The following AFG2A variants were observed in gnomAD, a reference collection of about 807,000 sequenced individuals.
AFG2A encodes ATPase family gene 2 protein homolog A.
At chr4:123,002,003 A>T in the AFG2A span, among the ~76,000 whole-genome samples, 1 of 152,156 alleles carries the variant, frequency 6.6e-6, no homozygotes, top group Non-Finnish European at 1.5e-5. Flanking sequence ...ATGGGTTCAT[A>T]TATATTTAGG....
the AFG2A span, among the ~76,000 whole-genome samples, chr4:123,296,013 C>A: frequency 6.6e-6 from 1 of 152,112 alleles, no homozygotes; most frequent in South Asian, 2.1e-4. Context: ...ATCAATATAT[C>A]CCAGCTAATG....
the AFG2A span, among the ~76,000 whole-genome samples, chr4:123,161,614 C>T: frequency 1.1e-4 from 17 of 151,954 alleles, no homozygotes; most frequent in Admixed American, 8.5e-4. Flanking sequence ...TAGAGCTAGG[C>T]AAGGAAGTTG....
chr4:122,992,562 G>A, the AFG2A span, among the ~76,000 whole-genome samples: 2 of 152,124 alleles, frequency 1.3e-5, no homozygotes, highest in Non-Finnish European at 2.9e-5. Context: ...CAAATGGCTA[G>A]TTAATTATCA....
the AFG2A span, among the ~76,000 whole-genome samples, chr4:123,165,213 G>C: frequency 3.9e-5 from 6 of 152,254 alleles, no homozygotes; most frequent in African/African-American, 1.4e-4. Flanking sequence ...CCTTGGGCTA[G>C]AGTTAGGAGA....
At chr4:123,036,738 A>ATTTGGGGAAGGAATAGAATTTTTCC in the AFG2A span, among the ~76,000 whole-genome samples, 1 of 152,120 alleles carries the variant, frequency 6.6e-6, no homozygotes, top group Admixed American at 6.5e-5. Flanking sequence ...CCTGAATAGA[A>ATTTGGGGAAGGAATAGAATTTTTCC]TGAATGAATT....
the AFG2A span, chr4:122,938,156 G>A: frequency 5.3e-5 from 85 of 1,608,980 alleles, no homozygotes; most frequent in Middle Eastern, 1.6e-4. Flanking sequence ...TTGATGAGCT[G>A]GATGCACTTT....
the AFG2A span, among the ~76,000 whole-genome samples, chr4:123,244,758 G>A: frequency 6.6e-6 from 1 of 152,126 alleles, no homozygotes; most frequent in Non-Finnish European, 1.5e-5. Context: ...AACATATTCT[G>A]AGCAACATGT....
the AFG2A span, among the ~76,000 whole-genome samples, chr4:123,006,691 GT>G: frequency 6.6e-6 from 1 of 152,000 alleles, no homozygotes; most frequent in South Asian, 2.1e-4. Flanking sequence ...TTCTCTAGAA[GT>G]TTGATTTTTA....
chr4:123,198,114 C>T, the AFG2A span, among the ~76,000 whole-genome samples: 1 of 151,910 alleles, frequency 6.6e-6, no homozygotes, highest in African/African-American at 2.4e-5. Context: ...GCTAAAATTA[C>T]AAAAATTAGC....
the AFG2A span, among the ~76,000 whole-genome samples, chr4:123,157,729 C>T: frequency 6.6e-6 from 1 of 152,128 alleles, no homozygotes; most frequent in Non-Finnish European, 1.5e-5. Flanking sequence ...CTCCAACTTT[C>T]AATATCACAA....
chr4:123,164,297 G>T, the AFG2A span, among the ~76,000 whole-genome samples: 3 of 152,168 alleles, frequency 2.0e-5, no homozygotes, highest in South Asian at 4.1e-4. Context: ...TTTCATGTGT[G>T]TAACTTACTT....
the AFG2A span, among the ~76,000 whole-genome samples, chr4:123,163,595 C>T: frequency 3.3e-5 from 5 of 152,268 alleles, no homozygotes; most frequent in African/African-American, 1.2e-4. Context: ...AATATATGAA[C>T]AGGCTGTACC....
chr4:123,295,985 G>A, the AFG2A span, among the ~76,000 whole-genome samples: 1 of 152,154 alleles, frequency 6.6e-6, no homozygotes, highest in Non-Finnish European at 1.5e-5. Flanking sequence ...GGCAGGAGAG[G>A]TGGGAAAGCG....
the AFG2A span, among the ~76,000 whole-genome samples, chr4:122,965,769 GTTAA>G: frequency 3.3e-5 from 5 of 152,034 alleles, no homozygotes; most frequent in Non-Finnish European, 5.9e-5. Context: ...TGTTCTTCTA[GTTAA>G]TTGTCTTCAG....
chr4:123,088,542 T>G, the AFG2A span, among the ~76,000 whole-genome samples: 15 of 152,184 alleles, frequency 9.9e-5, no homozygotes, highest in African/African-American at 3.4e-4. Context: ...AGTGTTTGGC[T>G]CTGTGTCCCC....
the AFG2A span, among the ~76,000 whole-genome samples, chr4:122,974,396 T>C: frequency 3.3e-5 from 5 of 152,332 alleles, no homozygotes; most frequent in East Asian, 3.9e-4. Context: ...CATTGAAGTA[T>C]TTTGATTACA....
At chr4:123,005,981 T>C in the AFG2A span, among the ~76,000 whole-genome samples, 3 of 152,206 alleles carry the variant, frequency 2.0e-5, no homozygotes, top group Non-Finnish European at 4.4e-5. Context: ...GTAGTCACCA[T>C]TTCCAGTTCT....
chr4:123,217,642 C>T, the AFG2A span, among the ~76,000 whole-genome samples: 1 of 152,184 alleles, frequency 6.6e-6, no homozygotes, highest in African/African-American at 2.4e-5. Context: ...ACCCCTTCCA[C>T]CCATACCAGA....
At chr4:123,220,613 CAAAAAAAAAA>C in the AFG2A span, among the ~76,000 whole-genome samples, 5 of 41,764 alleles carry the variant, frequency 1.2e-4, no homozygotes, top group East Asian at 7.6e-4. Flanking sequence ...GACTCCAACT[CAAAAAAAAAA>C]AAAAAAAAAA....
Sources: gnomAD v4.1 joint callset for allele counts (sites outside exome capture counted in the v4.1 genomes callset) on GRCh38, gnomAD v4.1.1 for gene constraint, MANE v1.5 for transcripts, NCBI Gene and HGNC (gene_info 2026-07-23, HGNC 2026-07-21) for gene names.